The following CFAP54 variants were observed in gnomAD, a reference collection of about 807,000 sequenced individuals.
CFAP54 encodes the protein cilia- and flagella-associated protein 54.
In CFAP54, 290 loss-of-function variants were observed where a neutral mutation model predicts 370.4. The ratio of observed to expected loss-of-function variants is 0.78; its 90% CI spans 0.71 to 0.86. CFAP54 has a LOEUF of 0.86. Among genes scored for constraint, CFAP54 ranks in the 40% least tolerant of loss-of-function variants. The pLI is 0.00. For synonymous variants in CFAP54, 1,206 were observed against 1,236.5 expected, an observed-to-expected ratio of 0.98 and a Z score of 0.52; for missense variants, 3,399 against 3,528.7, an observed-to-expected ratio of 0.96 and a Z score of 0.93.
At chr12:96,743,949 C>T in intron 54 of CFAP54, 39 bp downstream of exon 54, 1 of 1,600,086 alleles carries the variant, frequency 6.2e-7, no homozygotes, top group East Asian at 2.2e-5. Context: ...TAGAAACTTA[C>T]TTTTCTCTCT....
intron 65 of CFAP54, among the ~76,000 whole-genome samples, chr12:96,826,916 A>G (rs1193086644): frequency 5.4e-5 from 7 of 129,106 alleles, no homozygotes; most frequent in South Asian, 4.7e-4. Flanking sequence ...ATGCAATTAT[A>G]TATGATTATA....
intron 66 of CFAP54, among the ~76,000 whole-genome samples, chr12:96,854,267 C>T (rs758735002): frequency 1.6e-4 from 25 of 151,692 alleles, no homozygotes; most frequent in Non-Finnish European, 2.8e-4. Flanking sequence ...ATTAATAAAC[C>T]GGTTAACATT....
chr12:96,818,446 C>T (rs1161006596), intron 65 of CFAP54, among the ~76,000 whole-genome samples: 1 of 152,076 alleles, frequency 6.6e-6, no homozygotes, highest in Admixed American at 6.6e-5. Context: ...GGTTTTCTGT[C>T]CCTTCCTGAG....
intron 47 of CFAP54, among the ~76,000 whole-genome samples, chr12:96,708,178 G>T (rs569463435): frequency 6.6e-6 from 1 of 152,064 alleles, no homozygotes; most frequent in Admixed American, 6.6e-5. Flanking sequence ...AATGATTGAC[G>T]GTGGACTCTA....
chr12:96,635,033 A>AT (rs1010865877), intron 32 of CFAP54, among the ~76,000 whole-genome samples: 1 of 151,720 alleles, frequency 6.6e-6, no homozygotes, highest in Non-Finnish European at 1.5e-5. Flanking sequence ...TTTCCACTTT[A>AT]TTTTTTTTAC....
chr12:96,826,594 ATATAT>A (rs1184859876), intron 65 of CFAP54, among the ~76,000 whole-genome samples: 10 of 109,716 alleles, frequency 9.1e-5, no homozygotes, highest in South Asian at 2.6e-4. Context: ...TATTATATAA[ATATAT>A]TATATGATAA....
At chr12:96,591,409 AGAG>A (rs1334405103) in intron 23 of CFAP54, among the ~76,000 whole-genome samples, 2 of 152,152 alleles carry the variant, frequency 1.3e-5, no homozygotes, top group Admixed American at 1.3e-4. Flanking sequence ...TTGGTGGTAA[AGAG>A]GAGGAGAGCA....
chr12:96,839,913 A>C (rs1959201342), intron 66 of CFAP54, among the ~76,000 whole-genome samples: 1 of 152,186 alleles, frequency 6.6e-6, no homozygotes, highest in Non-Finnish European at 1.5e-5. Flanking sequence ...ACATGGTAGT[A>C]GGGTTTCAAG....
At position 96,720,491 on chromosome 12, in the gene CFAP54, C is replaced by T. The variant is rs539065544; in HGVS notation, c.6891C>T (p.Gly2297=). 1.9e-5 allele frequency: 31 copies of T among 1,602,636 alleles called. No homozygotes were observed. Among genetic ancestry groups the T allele is most frequent in the East Asian group, 2.3e-5 (1 of 44,282 alleles). Residue 2297 remains glycine (G), a synonymous_variant, in exon 50 of 68, where the codon GGC becomes GGT. Coordinates refer to ENST00000524981, the MANE Select transcript of CFAP54 (RefSeq NM_001306084.2). ...AGACCCTGTCTCAGTGCTCCGCTGGCGAGCTGGAGATTGTGGTGGAGGCCC... is the reference window on the plus strand; with the variant it reads ...AGACCCTGTCTCAGTGCTCCGCTGGTGAGCTGGAGATTGTGGTGGAGGCCC... The part of the protein sequence containing the change: ...EQKTLSQCSA[G]ELEIVVEARL...
intron 60 of CFAP54, among the ~76,000 whole-genome samples, chr12:96,767,246 A>G (rs1958409876): frequency 6.6e-6 from 1 of 152,214 alleles, no homozygotes; most frequent in African/African-American, 2.4e-5. Context: ...CTACCTGAGA[A>G]GAACCTCTGT....
At chr12:96,827,147 A>AATTATATGTGATTATATATAG (rs1959127243) in intron 65 of CFAP54, among the ~76,000 whole-genome samples, 2 of 28,286 alleles carry the variant, frequency 7.1e-5, no homozygotes, top group African/African-American at 4.0e-4. Flanking sequence ...ATTATATATA[A>AATTATATGTGATTATATATAG]TGTGCAATTA....
At chr12:96,551,140 A>G (rs1004600607) in intron 15 of CFAP54, among the ~76,000 whole-genome samples, 1 of 150,252 alleles carries the variant, frequency 6.7e-6, no homozygotes, top group Non-Finnish European at 1.5e-5. Flanking sequence ...GTGTGATGAC[A>G]TGTGCCTGTA....
chr12:96,617,773 G>A (rs185973800), intron 26 of CFAP54, among the ~76,000 whole-genome samples: 3 of 152,222 alleles, frequency 2.0e-5, no homozygotes, highest in East Asian at 3.9e-4. Context: ...GGCTGATCAC[G>A]AGGTCAGGAG....
At chr12:96,723,189 T>C (rs1957779948) in intron 50 of CFAP54, among the ~76,000 whole-genome samples, 1 of 152,038 alleles carries the variant, frequency 6.6e-6, no homozygotes, top group African/African-American at 2.4e-5. Context: ...AAAAATACAA[T>C]GATAAGAATA....
At chr12:96,560,874 T>TA (rs1276837349) in intron 17 of CFAP54, among the ~76,000 whole-genome samples, 1 of 152,224 alleles carries the variant, frequency 6.6e-6, no homozygotes, top group Non-Finnish European at 1.5e-5. Flanking sequence ...AATTAATTAT[T>TA]ACAGTGGTTG....
chr12:96,848,362 T>A (rs763732453), intron 66 of CFAP54, among the ~76,000 whole-genome samples: 37 of 152,224 alleles, frequency 2.4e-4, no homozygotes, highest in Admixed American at 1.0e-3. Flanking sequence ...TGAGCCACCG[T>A]GCCCAACCAA....
At chr12:96,518,703 A>T (rs1409965737) in intron 5 of CFAP54, among the ~76,000 whole-genome samples, 1 of 152,098 alleles carries the variant, frequency 6.6e-6, no homozygotes, top group Non-Finnish European at 1.5e-5. Flanking sequence ...ATAAACAAAC[A>T]AAAAAGACAT....
In CFAP54 at chr12:96,753,912, G is replaced by A; in HGVS notation, c.7840+14G>A. On this transcript the variant is annotated intron_variant, in intron 56 of 67. Coordinates refer to ENST00000524981, the MANE Select transcript of CFAP54 (RefSeq NM_001306084.2). ...TTTTTCAGAAAGGTAAAATGCATCT[G>A]GGGTCAGAACTATGATAAAATTTAT... is the stretch of plus-strand genomic sequence containing the variant. 1 of 1,610,894 alleles carries A rather than the reference G, an allele frequency of 6.2e-7. No homozygotes were observed. Among genetic ancestry groups the A allele is most frequent in the Non-Finnish European group, 8.5e-7 (1 of 1,178,052 alleles).
intron 64 of CFAP54, among the ~76,000 whole-genome samples, chr12:96,816,232 A>G (rs1441644282): frequency 6.6e-6 from 1 of 151,964 alleles, no homozygotes; most frequent in Non-Finnish European, 1.5e-5. Context: ...GTCCTCTCTT[A>G]TTTCCTTGAG....
Sources: allele counts gnomAD v4.1 joint callset (sites outside exome capture counted in the v4.1 genomes callset), GRCh38; gene constraint gnomAD v4.1.1; transcripts MANE v1.5; gene names NCBI Gene and HGNC (gene_info 2026-07-23, HGNC 2026-07-21).